NRG3: variants seen among roughly 807,000 people sequenced by gnomAD.
NRG3 encodes the protein neuregulin 3.
In NRG3, 31 loss-of-function variants were observed where a neutral mutation model predicts 66.9. That is an observed-to-expected ratio of 0.46 (90% CI 0.35 to 0.63). The LOEUF (loss-of-function observed/expected upper bound fraction) is 0.63. NRG3 is among the 20% of genes least tolerant of loss of function. NRG3 has a pLI of 0.00. For missense variants in NRG3, 910 were observed against 878.9 expected (o/e 1.04, Z -0.45); for synonymous variants, 393 against 359.4 (o/e 1.09, Z -1.06).
intron 1 of NRG3, among the ~76,000 whole-genome samples, chr10:82,166,276 C>T (rs1040510414): frequency 7.9e-5 from 12 of 152,158 alleles, no homozygotes; most frequent in African/African-American, 2.7e-4. Flanking sequence ...GCCTTGGCCT[C>T]CCAAAGTGCT....
At chr10:82,129,062 G>T (rs1031506098) in intron 1 of NRG3, among the ~76,000 whole-genome samples, 6 of 151,906 alleles carry the variant, frequency 3.9e-5, no homozygotes, top group African/African-American at 1.4e-4. Flanking sequence ...ACAGATGCCT[G>T]CCACCATGCC....
At chr10:81,878,282 G>A (rs1841863598) in intron 1 of NRG3, among the ~76,000 whole-genome samples, 1 of 152,166 alleles carries the variant, frequency 6.6e-6, no homozygotes, top group Non-Finnish European at 1.5e-5. Flanking sequence ...CTTAGTTTCA[G>A]CTCTTTCTCT....
intron 3 of NRG3, among the ~76,000 whole-genome samples, chr10:82,749,027 C>G (rs1321119354): frequency 6.6e-6 from 1 of 152,088 alleles, no homozygotes; most frequent in Non-Finnish European, 1.5e-5. Context: ...ACTTTTCATA[C>G]TGTTCTGCTG....
At chr10:82,367,124 A>G (rs2084584884) in intron 2 of NRG3, among the ~76,000 whole-genome samples, 1 of 152,118 alleles carries the variant, frequency 6.6e-6, no homozygotes. Flanking sequence ...ATAACTATTC[A>G]ATGTCATACA....
rs1354867913 is a variant in NRG3, at chr10:82,352,527, C to G, written c.824-6212C>G. Among the ~76,000 whole-genome samples, 3 of 152,106 alleles carry G rather than the reference C, an allele frequency of 2.0e-5. No individual in the cohort carries two copies. The East Asian group carries it at 5.8e-4, about 29-fold the overall frequency. On this transcript the variant is annotated intron_variant, in intron 1 of 8. Transcript: ENST00000372141. The stretch of plus-strand genomic sequence containing the variant: ...GGTGAAAAGGCCCCAGAGAAGAAAG[C>G]CTTTACTGGGCAACACTATAGAGAG...
At chr10:82,600,913 T>A (rs1278352890) in intron 2 of NRG3, among the ~76,000 whole-genome samples, 1 of 152,072 alleles carries the variant, frequency 6.6e-6, no homozygotes, top group Admixed American at 6.6e-5. Flanking sequence ...TAGAACCCAA[T>A]AGGAAGTTTT....
intron 4 of NRG3, among the ~76,000 whole-genome samples, chr10:82,916,769 C>T (rs1313556551): frequency 6.6e-6 from 1 of 152,134 alleles, no homozygotes; most frequent in African/African-American, 2.4e-5. Context: ...GCGCGTGCCA[C>T]CACGCCCAGC....
At position 82,301,575 on chromosome 10, in the gene NRG3, G is replaced by A. The variant is rs572597926; in HGVS notation, c.824-57164G>A. ...CTGATACTAATCTATTCTGAAAGAA[G>A]CAAATTAAAATCTCCCACTACAATT... On this transcript the variant is annotated intron_variant, in intron 1 of 8. Coordinates refer to ENST00000372141, the MANE Select transcript of NRG3 (RefSeq NM_001010848.4). Among the ~76,000 whole-genome samples the A allele has an allele frequency of 1.9e-3, 281 of 151,508 alleles. 3 individuals carry two copies. Among genetic ancestry groups the A allele is most frequent in the South Asian group, 9.0e-3 (43 of 4,800 alleles).
At chr10:82,092,434 G>A (rs1394320412) in intron 1 of NRG3, among the ~76,000 whole-genome samples, 1 of 151,824 alleles carries the variant, frequency 6.6e-6, no homozygotes, top group Non-Finnish European at 1.5e-5. Context: ...CAACTTTCAA[G>A]CACCATTTTC....
At chr10:82,950,081 C>A (rs1849381223) in intron 4 of NRG3, among the ~76,000 whole-genome samples, 1 of 152,112 alleles carries the variant, frequency 6.6e-6, no homozygotes, top group African/African-American at 2.4e-5. Flanking sequence ...ACATTCTGTA[C>A]TCACTCCAGA....
At chr10:82,798,676 C>A (rs1156971898) in intron 3 of NRG3, among the ~76,000 whole-genome samples, 5 of 152,170 alleles carry the variant, frequency 3.3e-5, no homozygotes, top group Non-Finnish European at 7.3e-5. Context: ...CTTGTAAAGA[C>A]AAATCCCAGA....
chr10:82,451,210 G>C (rs7074306), intron 2 of NRG3, among the ~76,000 whole-genome samples: 1 of 151,920 alleles, frequency 6.6e-6, no homozygotes, highest in South Asian at 2.1e-4. Context: ...TGAAATGCAG[G>C]GAACTTAAAT....
chr10:82,883,895 G>A (rs580333), intron 4 of NRG3, among the ~76,000 whole-genome samples: 92,260 of 151,290 alleles, frequency 0.61, 29,248 homozygotes, highest in African/African-American at 0.79. Flanking sequence ...TTTCACACCA[G>A]AGTTGTGTCT....
intron 1 of NRG3, among the ~76,000 whole-genome samples, chr10:82,209,775 G>T (rs745336938): frequency 1.3e-5 from 2 of 152,012 alleles, no homozygotes; most frequent in Non-Finnish European, 2.9e-5. Context: ...TATACCTATT[G>T]ATCTTTCATT....
At chr10:82,799,526 CAA>C (rs67074946) in intron 3 of NRG3, among the ~76,000 whole-genome samples, 10 of 109,618 alleles carry the variant, frequency 9.1e-5, no homozygotes, top group Non-Finnish European at 5.8e-5. Context: ...AATTCCGTCT[CAA>C]AAAAAAAAAA....
rs1472177693 is a variant in NRG3 at position 82,985,158 on chromosome 10, A to G, written c.1644A>G (p.Ser548=). Residue 548 remains serine (S), a synonymous_variant, in exon 9 of 9, where the codon TCA becomes TCG. Coordinates refer to ENST00000372141, the MANE Select transcript of NRG3 (RefSeq NM_001010848.4). Reference sequence around the variant, plus strand: ...CATCAATAAATATGCAACTGCCTTCAAGAGAGACAAACCCCTATTTTAATA... The same window carrying G: ...CATCAATAAATATGCAACTGCCTTCGAGAGAGACAAACCCCTATTTTAATA... ...RNTSINMQLP[S]RETNPYFNSL... 2 of 1,614,022 alleles carry G rather than the reference A, an allele frequency of 1.2e-6. No homozygotes were observed. The highest frequency in any genetic ancestry group is 1.3e-5 in the African/African-American group (1 of 74,924).
intron 2 of NRG3, among the ~76,000 whole-genome samples, chr10:82,693,886 C>G (rs1296651602): frequency 6.6e-6 from 1 of 152,116 alleles, no homozygotes; most frequent in African/African-American, 2.4e-5. Flanking sequence ...GGAAGGAGAC[C>G]CGAGTGGGTT....
chr10:82,288,364 T>C (rs1325313250), intron 1 of NRG3, among the ~76,000 whole-genome samples: 1 of 152,158 alleles, frequency 6.6e-6, no homozygotes, highest in Non-Finnish European at 1.5e-5. Context: ...CTCGGTATTA[T>C]TCGGTTAGTA....
At chr10:82,567,236 C>T (rs2045466269) in intron 2 of NRG3, among the ~76,000 whole-genome samples, 1 of 151,798 alleles carries the variant, frequency 6.6e-6, no homozygotes, top group Admixed American at 6.6e-5. Context: ...TACTATTTTC[C>T]TGTGATATAG....
Sources: allele counts gnomAD v4.1 joint callset (sites outside exome capture counted in the v4.1 genomes callset), GRCh38; gene constraint gnomAD v4.1.1; transcripts MANE v1.5; gene names NCBI Gene and HGNC (gene_info 2026-07-23, HGNC 2026-07-21).